The following LEMD1 variants were observed in gnomAD, a reference collection of about 807,000 sequenced individuals.
LEMD1 encodes the protein LEM domain containing 1, also known as LEM domain-containing protein 1.
LEMD1 carries 18 observed loss-of-function variants against 17.4 expected under a neutral mutation model. The ratio of observed to expected loss-of-function variants is 1.04; its 90% CI spans 0.72 to 1.54. The LOEUF is 1.54. Ranked by LOEUF, LEMD1 falls within the 40% of genes most tolerant of loss-of-function variation. The probability of loss-of-function intolerance (pLI) is 0.00; values close to 1 mark genes in which losing one functional copy is unlikely to be tolerated. For missense variants in LEMD1, 195 were observed against 210.4 expected, an observed-to-expected ratio of 0.93 and a Z score of 0.45; for synonymous variants, 88 against 77.8, an observed-to-expected ratio of 1.13 and a Z score of -0.69.
intron 4 of LEMD1, among the ~76,000 whole-genome samples, chr1:205,414,462 T>C (rs1213792335): frequency 6.6e-6 from 1 of 151,660 alleles, no homozygotes; most frequent in Non-Finnish European, 1.5e-5. Flanking sequence ...TCTCATGCTA[T>C]TGCCCAGGCT....
chr1:205,428,483 A>G (rs527957224), intron 1 of LEMD1, among the ~76,000 whole-genome samples: 2 of 152,228 alleles, frequency 1.3e-5, no homozygotes, highest in Non-Finnish European at 2.9e-5. Context: ...GGTTAAATAA[A>G]GCAAACGAGG....
chr1:205,447,601 G>A (rs1666422563), intron 1 of LEMD1, among the ~76,000 whole-genome samples: 1 of 151,976 alleles, frequency 6.6e-6, no homozygotes, highest in Non-Finnish European at 1.5e-5. Flanking sequence ...ATGTGGGAGT[G>A]GCGACAGGCA....
Position 205,419,295 on chromosome 1 carries a change from C to T in LEMD1, c.140G>A (p.Cys47Tyr). Residue 47 changes from cysteine to tyrosine, a missense_variant, in exon 3 of 6, where the codon TGT (cysteine) becomes TAT (tyrosine). Coordinates refer to ENST00000367153, the MANE Select transcript of LEMD1 (RefSeq NM_001199050.2). ...KLVQLLVSPP[C>Y]APPVMNGPRE... ...GGGTCCATTCATCACAGGTGGTGCA[C>T]AGGGAGGTGAGACCAACAACTGTAC... is the stretch of plus-strand genomic sequence containing the variant. The T allele has an allele frequency of 1.2e-6, 2 of 1,614,198 alleles. No individual in the cohort carries two copies. Among genetic ancestry groups the T allele is most frequent in the South Asian group, 1.1e-5 (1 of 91,080 alleles).
chr1:205,412,763 G>A (rs977887707), intron 4 of LEMD1, among the ~76,000 whole-genome samples: 18 of 152,156 alleles, frequency 1.2e-4, no homozygotes, highest in Admixed American at 9.2e-4. Flanking sequence ...AACATTTTAT[G>A]CCATCGCAAA....
intron 1 of LEMD1, among the ~76,000 whole-genome samples, chr1:205,431,864 G>A (rs1179367685): frequency 6.6e-6 from 1 of 152,022 alleles, no homozygotes; most frequent in African/African-American, 2.4e-5. Flanking sequence ...CTACAGGTGC[G>A]TGCCACCACA....
chr1:205,445,209 C>T (rs927209146), intron 1 of LEMD1, among the ~76,000 whole-genome samples: 11 of 152,134 alleles, frequency 7.2e-5, no homozygotes, highest in African/African-American at 1.9e-4. Context: ...TCCCTCTGGC[C>T]GCCACGGAGC....
Position 205,420,512 on chromosome 1 carries a change from C to T in LEMD1, c.25G>A (p.Asp9Asn). 1 of 1,614,020 alleles carries T rather than the reference C, an allele frequency of 6.2e-7. No individual in the cohort carries two copies. Among genetic ancestry groups the T allele is most frequent in the Non-Finnish European group, 8.5e-7 (1 of 1,179,940 alleles). Reference sequence around the variant, plus strand: ...TCAAGTTGGTTCTGCAATTTACAGTCACTCAGACACTTCACATCCACCATG... The same window carrying T: ...TCAAGTTGGTTCTGCAATTTACAGTTACTCAGACACTTCACATCCACCATG... MVDVKCLS[D>N]CKLQNQLEKL... Residue 9 changes from aspartate to asparagine, a missense_variant, in exon 2 of 6, where the codon GAC becomes AAC. Transcript: ENST00000367153.
rs566339936 is a variant in LEMD1 at position 205,448,639 on chromosome 1, G to A, written c.-39+1229C>T. On this transcript the variant is annotated intron_variant, in intron 1 of 3. Coordinates refer to the LEMD1 transcript ENST00000367154. This position sits in a 1 kb window ranked among gnomAD's most constrained non-coding sequence, Gnocchi z 4.7. ...CACAATGGTCCTCACTCCAGGGTATGAGGAGGGGTGGCTTCCTGGCCATAA... is the reference window on the plus strand; with the variant it reads ...CACAATGGTCCTCACTCCAGGGTATAAGGAGGGGTGGCTTCCTGGCCATAA... Among the ~76,000 whole-genome samples, 103 of 145,560 alleles carry A rather than the reference G, an allele frequency of 7.1e-4. No individual in the cohort carries two copies. Among genetic ancestry groups the A allele is most frequent in the African/African-American group, 2.4e-3 (100 of 41,120 alleles).
At chr1:205,390,521 C>T (rs548483618) in intron 4 of LEMD1, among the ~76,000 whole-genome samples, 2 of 152,136 alleles carry the variant, frequency 1.3e-5, no homozygotes, top group Non-Finnish European at 2.9e-5. Context: ...ACTGTCATCG[C>T]TCTACTTCAC....
intron 4 of LEMD1, among the ~76,000 whole-genome samples, chr1:205,405,410 T>A (rs1665044290): frequency 6.7e-6 from 1 of 149,900 alleles, no homozygotes; most frequent in Non-Finnish European, 1.5e-5. Flanking sequence ...TTCTTTTTAT[T>A]CTTTTTTCTC....
chr1:205,388,761 A>T (rs72747097), intron 4 of LEMD1, among the ~76,000 whole-genome samples: 1 of 152,304 alleles, frequency 6.6e-6, no homozygotes, highest in Non-Finnish European at 1.5e-5. Context: ...TTAATTTCCT[A>T]CGGAAGTAAC....
At chr1:205,400,849 C>CG (rs1487361586) in intron 4 of LEMD1, among the ~76,000 whole-genome samples, 38 of 111,402 alleles carry the variant, frequency 3.4e-4, no homozygotes, top group African/African-American at 9.8e-4. Flanking sequence ...TCCCTCCCCC[C>CG]CCCCACCCCA....
At chr1:205,419,003 C>A (rs759605094) in intron 3 of LEMD1, among the ~76,000 whole-genome samples, 2 of 152,216 alleles carry the variant, frequency 1.3e-5, no homozygotes, top group Non-Finnish European at 2.9e-5. Context: ...GTTGAGCAGT[C>A]ATTCCCCCAA....
chr1:205,413,587 CTTT>C (rs781477988), intron 4 of LEMD1, among the ~76,000 whole-genome samples: 1,588 of 72,522 alleles, frequency 0.022, 48 homozygotes, highest in African/African-American at 0.11. Flanking sequence ...CCATGCCCAA[CTTT>C]TTTTTTTTTT....
rs1025577169 is a variant in LEMD1 at position 205,448,499 on chromosome 1, C to T, written c.-39+1369G>A. On this transcript the variant is annotated intron_variant, in intron 1 of 3. Coordinates refer to the LEMD1 transcript ENST00000367154. The surrounding 1 kb of genome is among the most constrained non-coding windows in gnomAD (Gnocchi z 4.7). ...GCACCCCCGACCCCAGACCCACCCA[C>T]ACTGCCTCCCTCCAGGACTGGGCCC... The T allele has an allele frequency of 4.4e-6, 2 of 455,754 alleles. No individual in the cohort carries two copies. Among genetic ancestry groups the T allele is most frequent in the Non-Finnish European group, 8.8e-6 (2 of 226,480 alleles). 28.2% of individuals were successfully genotyped at this position (455,754 alleles called of 1,614,324 possible). A position where few individuals can be genotyped will look rare whatever the true frequency, so the allele number is the denominator to read the frequency against.
At chr1:205,405,112 T>C (rs893955719) in intron 4 of LEMD1, among the ~76,000 whole-genome samples, 13 of 152,092 alleles carry the variant, frequency 8.5e-5, no homozygotes, top group African/African-American at 1.2e-4. Context: ...GTAACCCGAC[T>C]TTTCTCTCTG....
At chr1:205,443,177 T>C (rs774214357) in intron 1 of LEMD1, among the ~76,000 whole-genome samples, 1 of 151,960 alleles carries the variant, frequency 6.6e-6, no homozygotes, top group Non-Finnish European at 1.5e-5. Context: ...TGGGGAGAAA[T>C]TGACAGGCAC....
Position 205,441,229 on chromosome 1 carries a change from A to G in LEMD1, c.-39+8639T>C, listed in dbSNP as rs969296941. Among the ~76,000 whole-genome samples, 2 of 152,162 alleles carry G rather than the reference A, an allele frequency of 1.3e-5. No homozygotes were observed. Among genetic ancestry groups the G allele is most frequent in the African/African-American group, 2.4e-5 (1 of 41,440 alleles). On this transcript the variant is annotated intron_variant, in intron 1 of 3. Transcript: ENST00000367154. The surrounding 1 kb of genome is among the most constrained non-coding windows in gnomAD (Gnocchi z 4.3). ...CGGCTGGGGGAGGAGTCAAGCCTCT[A>G]AACAACAGCTCTTTGAAACCTCAGT... is the stretch of plus-strand genomic sequence containing the variant.
intron 4 of LEMD1, among the ~76,000 whole-genome samples, chr1:205,411,733 AAAAG>A (rs2102415756): frequency 6.6e-6 from 1 of 152,324 alleles, no homozygotes; most frequent in Non-Finnish European, 1.5e-5. Context: ...GAAAGAAAAG[AAAAG>A]AAAGACTGAT....
Sources: allele counts gnomAD v4.1 joint callset (sites outside exome capture counted in the v4.1 genomes callset), GRCh38; gene constraint gnomAD v4.1.1; non-coding constraint Gnocchi (gnomAD v3.1); transcripts MANE v1.5; gene names NCBI Gene and HGNC (gene_info 2026-07-23, HGNC 2026-07-21).